IQGAP1: variants seen among roughly 807,000 people sequenced by gnomAD.
IQGAP1 encodes IQ motif containing GTPase activating protein 1, also known as ras GTPase-activating-like protein IQGAP1.
IQGAP1 carries 66 observed loss-of-function variants against 215.6 expected under a neutral mutation model. The ratio of observed to expected loss-of-function variants is 0.31; its 90% CI spans 0.25 to 0.38. The LOEUF is 0.38. Among genes scored for constraint, IQGAP1 ranks in the 10% least tolerant of loss-of-function variants. The pLI is 1.00. For synonymous variants in IQGAP1, 772 were observed against 728.7 expected, an observed-to-expected ratio of 1.06 and a Z score of -0.96; for missense variants, 1,712 against 1,997.1, an observed-to-expected ratio of 0.86 and a Z score of 2.72.
At chr15:90,463,625 C>T (rs371904730) in intron 15 of IQGAP1, among the ~76,000 whole-genome samples, 2 of 152,142 alleles carry the variant, frequency 1.3e-5, no homozygotes, top group Non-Finnish European at 2.9e-5. Context: ...TAGAAAGCGA[C>T]TAGTGGTAGG....
At position 90,486,111 on chromosome 15, in the gene IQGAP1, C is replaced by T. The variant is rs1966122904; in HGVS notation, c.4003C>T (p.Pro1335Ser). The T allele has an allele frequency of 6.2e-7, 1 of 1,613,144 alleles. No individual in the cohort carries two copies. Among genetic ancestry groups the T allele is most frequent in the Non-Finnish European group, 8.5e-7 (1 of 1,179,380 alleles). Reference protein sequence around the residue: ...HELLDDLGEVPTIESLIGESS... With the variant: ...HELLDDLGEVSTIESLIGESS... ...ACTGCTGGACGACCTCGGCGAGGTG[C>T]CCACCATCGAGTCCCTGATAGGTAG... Residue 1335 changes from proline (P) to serine (S), a missense_variant, in exon 31 of 38, where the codon CCC becomes TCC. This residue lies in a region of IQGAP1 where 691 missense variants were observed against 923.0 expected (regional missense o/e 0.75). Transcript: ENST00000268182.
chr15:90,408,239 G>A (rs1379321203), intron 2 of IQGAP1, among the ~76,000 whole-genome samples: 2 of 152,172 alleles, frequency 1.3e-5, no homozygotes, highest in Non-Finnish European at 2.9e-5. Flanking sequence ...GTACAGAGTT[G>A]TGTGGTATGT....
intron 2 of IQGAP1, among the ~76,000 whole-genome samples, chr15:90,406,959 T>C (rs973266719): frequency 1.3e-5 from 2 of 152,198 alleles, no homozygotes; most frequent in Admixed American, 6.5e-5. Flanking sequence ...AAGGAAAAGA[T>C]GGTTCCACTG....
intron 33 of IQGAP1, among the ~76,000 whole-genome samples, chr15:90,490,728 A>G (rs1470072152): frequency 6.6e-6 from 1 of 152,192 alleles, no homozygotes; most frequent in Non-Finnish European, 1.5e-5. Flanking sequence ...TGTAGCCAGT[A>G]GAGTCCAGTC....
chr15:90,492,842 T>C, intron 35 of IQGAP1, 131 bp downstream of exon 35: 1 of 694,896 alleles, frequency 1.4e-6, no homozygotes, highest in Non-Finnish European at 2.3e-6. Context: ...TCTTTTATTT[T>C]ACCTCTAATC....
chr15:90,486,766 T>C (rs1038997886), intron 31 of IQGAP1, 188 bp from the exon 32 acceptor site: 3 of 595,370 alleles, frequency 5.0e-6, no homozygotes, highest in Non-Finnish European at 8.9e-6. Flanking sequence ...ATGGAGTTAT[T>C]ATGGATCCCT....
chr15:90,450,363 T>TA (rs1567130429), intron 11 of IQGAP1, among the ~76,000 whole-genome samples: 2 of 118,854 alleles, frequency 1.7e-5, no homozygotes, highest in Non-Finnish European at 3.4e-5. Flanking sequence ...TTTTTTTTTT[T>TA]ACCATTTATT....
intron 4 of IQGAP1, chr15:90,429,983 T>C (rs1321429194): frequency 5.4e-6 from 1 of 185,554 alleles, no homozygotes; most frequent in African/African-American, 2.3e-5. Context: ...TTTTAAAGAA[T>C]ACCAAATCAG....
In IQGAP1 at chr15:90,487,499, A is replaced by G. The variant is rs200349977; in HGVS notation, c.4165A>G (p.Lys1389Glu). 21 of 1,613,294 alleles carry G rather than the reference A, an allele frequency of 1.3e-5. No individual in the cohort carries two copies. The African/African-American group carries it at 2.8e-4, about 22-fold the overall frequency. The change falls in exon 33 of 38, where the codon AAA (lysine) becomes GAA (glutamate). Residue 1389 changes from lysine (K) to glutamate (E), a missense_variant. Physicochemically the swap from Lys to Glu is moderately conservative, Grantham distance 56. Transcript: ENST00000268182. ...GCCTCCCCCATCTCGTTTCAGTACAAAACGTTTAATTGTGGATGTCATCCG... is the reference window on the plus strand; with the variant it reads ...GCCTCCCCCATCTCGTTTCAGTACAGAACGTTTAATTGTGGATGTCATCCG... ...MDARTILLNT[K>E]RLIVDVIRFQ...
intron 3 of IQGAP1, among the ~76,000 whole-genome samples, chr15:90,428,060 G>T (rs1013743969): frequency 3.3e-5 from 5 of 151,944 alleles, no homozygotes; most frequent in Non-Finnish European, 5.9e-5. Flanking sequence ...GGTTTTTTTT[G>T]TTGTTGGTTG....
chr15:90,401,197 A>G (rs1032370252), intron 2 of IQGAP1, among the ~76,000 whole-genome samples: 1 of 152,056 alleles, frequency 6.6e-6, no homozygotes, highest in South Asian at 2.1e-4. Flanking sequence ...TCTCCTAGCA[A>G]TCTGATTGAT....
chr15:90,422,699 G>A (rs867045465), intron 2 of IQGAP1, among the ~76,000 whole-genome samples: 4 of 133,070 alleles, frequency 3.0e-5, no homozygotes, highest in African/African-American at 1.2e-4. Context: ...GACAGAGTTT[G>A]TATATATAAT....
chr15:90,425,214 G>A (rs1313858588), intron 2 of IQGAP1, among the ~76,000 whole-genome samples: 6 of 152,094 alleles, frequency 3.9e-5, no homozygotes, highest in Admixed American at 2.6e-4. Context: ...GGAAGCTGAG[G>A]CAGGAGAATT....
chr15:90,393,438 T>C (rs1327320789), intron 2 of IQGAP1: 1 of 151,190 alleles, frequency 6.6e-6, no homozygotes, highest in Admixed American at 6.6e-5. Flanking sequence ...CACTGTATTG[T>C]TTTATTTATA....
chr15:90,476,906 T>C, intron 24 of IQGAP1, 88 bp downstream of exon 24: 2 of 1,445,746 alleles, frequency 1.4e-6, no homozygotes, highest in African/African-American at 2.9e-5. Context: ...TCTGGAAGTA[T>C]TTTTGACTTC....
At chr15:90,434,980 A>G (rs1397664515) in intron 5 of IQGAP1, among the ~76,000 whole-genome samples, 1 of 152,200 alleles carries the variant, frequency 6.6e-6, no homozygotes, top group Non-Finnish European at 1.5e-5. Context: ...CTTATATGGC[A>G]TCCTCTATGT....
intron 2 of IQGAP1, among the ~76,000 whole-genome samples, chr15:90,417,976 G>A (rs1456144600): frequency 1.3e-5 from 2 of 152,112 alleles, no homozygotes. Context: ...GTTCCTTTAT[G>A]TTACATGTCT....
intron 2 of IQGAP1, among the ~76,000 whole-genome samples, chr15:90,422,611 T>C (rs1158002608): frequency 1.8e-5 from 1 of 56,694 alleles, no homozygotes; most frequent in Admixed American, 2.0e-4. Flanking sequence ...GTCTCATTCA[T>C]ATATATATAT....
At chr15:90,402,606 A>ATAGG (rs1964818778) in intron 2 of IQGAP1, among the ~76,000 whole-genome samples, 1 of 152,196 alleles carries the variant, frequency 6.6e-6, no homozygotes. Flanking sequence ...TATTACTCTG[A>ATAGG]TAGGTATTTA....
Sources: gnomAD v4.1 joint callset for allele counts (sites outside exome capture counted in the v4.1 genomes callset) on GRCh38, gnomAD v4.1.1 for gene constraint, gnomAD v4.1.1 regional missense constraint, MANE v1.5 for transcripts, NCBI Gene and HGNC (gene_info 2026-07-23, HGNC 2026-07-21) for gene names.